FDXACB1: variants seen among roughly 807,000 people sequenced by gnomAD.
The protein encoded by FDXACB1 is ferredoxin-fold anticodon binding domain containing 1, also known as ferredoxin-fold anticodon-binding domain-containing protein 1.
Under a neutral mutation model 51.7 loss-of-function variants are expected in FDXACB1, and 41 were observed. That is an observed-to-expected ratio of 0.79 (90% CI 0.62 to 1.03). The LOEUF (loss-of-function observed/expected upper bound fraction) is 1.03. Ranked by LOEUF, FDXACB1 falls within the 50% of genes least tolerant of loss-of-function variation. The pLI is 0.00. For synonymous variants in FDXACB1, 273 were observed against 278.6 expected, an observed-to-expected ratio of 0.98 and a Z score of 0.20; for missense variants, 697 against 746.4, an observed-to-expected ratio of 0.93 and a Z score of 0.77.
Position 111,876,005 on chromosome 11 carries a change from A to C in FDXACB1, c.792T>G (p.Cys264Trp). Residue 264 changes from cysteine (C) to tryptophan (W), a missense_variant, in exon 5 of 5, where the codon TGT becomes TGG. Physicochemically the swap from Cys to Trp is radical, Grantham distance 215. Transcript: ENST00000260257. ...CTTCCTGTGGCAGCAAAGGGTAGGA[A>C]CACTTCAGCCTTTTTAGCGGGAAAA... ...GKVFPLKRLKCSYPLLPQEGT... is the reference protein window; with the variant it reads ...GKVFPLKRLKWSYPLLPQEGT... 6.2e-7 allele frequency: 1 copy of C among 1,613,972 alleles called. No homozygotes were observed. The highest frequency in any genetic ancestry group is 8.5e-7 in the Non-Finnish European group (1 of 1,179,888).
chr11:111,875,495 G>A lies in FDXACB1; in HGVS notation c.1302C>T (p.Ser434=). ...TQTLPESSKL[S]SLVKFVLQSN... The stretch of plus-strand genomic sequence containing the variant: ...ACTGAAGGACAAATTTGACTAAACT[G>A]CTCAGCTTAGAGCTCTCCGGCAATG... Residue 434 remains serine (S), a synonymous_variant, in exon 5 of 5, where the codon AGC becomes AGT. Coordinates refer to ENST00000260257, the MANE Select transcript of FDXACB1 (RefSeq NM_138378.3). The A allele has an allele frequency of 6.2e-7, 1 of 1,611,970 alleles. No individual in the cohort carries two copies. Among genetic ancestry groups the A allele is most frequent in the Admixed American group, 1.7e-5 (1 of 59,662 alleles).
chr11:111,878,849 T>A, intron 1 of FDXACB1, 112 bp downstream of exon 1: 1 of 1,518,972 alleles, frequency 6.6e-7, no homozygotes, highest in Non-Finnish European at 8.9e-7. Context: ...TGAATATCCG[T>A]GGGACGATCA....
Position 111,874,895 on chromosome 11 carries a change from TCA to T in FDXACB1, c.*25_*26del. ...CCTCCACATCCCCCGCAATGAAGGATCACACTGCAGAAAAGGATTTACCAAAC... is the reference window on the plus strand; with the variant it reads ...CCTCCACATCCCCCGCAATGAAGGATCACTGCAGAAAAGGATTTACCAAAC... On this transcript the variant is annotated 3_prime_UTR_variant, in exon 5 of 5. Transcript: ENST00000260257. 1 of 1,586,488 alleles carries T rather than the reference TCA, an allele frequency of 6.3e-7. No individual in the cohort carries two copies. Among genetic ancestry groups the T allele is most frequent in the Non-Finnish European group, 8.6e-7 (1 of 1,157,992 alleles).
In FDXACB1 at chr11:111,875,206, G is replaced by C; in HGVS notation, c.1591C>G (p.Leu531Val). 1 of 1,613,874 alleles carries C rather than the reference G, an allele frequency of 6.2e-7. No homozygotes were observed. The highest frequency in any genetic ancestry group is 8.5e-7 in the Non-Finnish European group (1 of 1,179,886). ...TCATGCACATAACATGGAGGATACAGAGAATGACTTTTAAAGGGTTCTATT... is the reference window on the plus strand; with the variant it reads ...TCATGCACATAACATGGAGGATACACAGAATGACTTTTAAAGGGTTCTATT... ...GKIEPFKSHSLYPPCYVHDVS... is the reference protein window; with the variant it reads ...GKIEPFKSHSVYPPCYVHDVS... The change falls in exon 5 of 5, where the codon CTG (leucine) becomes GTG (valine). Residue 531 changes from leucine to valine, a missense_variant. Around this residue, in one of 3 missense-constraint regions of FDXACB1, gnomAD observed 538 missense variants for 592.2 expected, o/e 0.91. Transcript: ENST00000260257.
chr11:111,875,016 G>A lies in FDXACB1; in HGVS notation c.1781C>T (p.Thr594Ile), dbSNP rs200882357. Residue 594 changes from threonine to isoleucine, a missense_variant, in exon 5 of 5, where the codon ACC becomes ATC. Thr to Ile is a moderately conservative substitution (Grantham distance 89, BLOSUM62 -1). Around this residue, in one of 3 missense-constraint regions of FDXACB1, gnomAD observed 538 missense variants for 592.2 expected, o/e 0.91. Coordinates refer to ENST00000260257, the MANE Select transcript of FDXACB1 (RefSeq NM_138378.3). ...VSLCYRLTYQ[T>I]CDKALTQQQV... is the part of the protein sequence containing the mutation. ...CTGCTGGGTGAGGGCCTTGTCACAG[G>A]TCTGGTAGGTCAATCTATAGCAGAG... 1.9e-4 allele frequency: 306 copies of A among 1,613,972 alleles called. No individual in the cohort carries two copies. In the African/African-American group the frequency reaches 3.9e-3, roughly 20 times the overall value.
intron 4 of FDXACB1, 50 bp downstream of exon 4, chr11:111,876,431 T>G (rs781790559): frequency 6.3e-7 from 1 of 1,580,784 alleles, no homozygotes; most frequent in Admixed American, 1.8e-5. Context: ...ATCAAGACAA[T>G]CAGGATACAA....
rs782682177 is a variant in FDXACB1 at position 111,875,538 on chromosome 11, TC to T, written c.1258del (p.Asp420IlefsTer4). The T allele has an allele frequency of 1.2e-6, 2 of 1,611,356 alleles. No homozygotes were observed. Among genetic ancestry groups the T allele is most frequent in the Admixed American group, 1.7e-5 (1 of 59,516 alleles). On this transcript the variant is annotated frameshift_variant, in exon 5 of 5. Transcript: ENST00000260257. LOFTEE classifies it high-confidence loss of function. Reference protein sequence around the residue: ...SLLDHLKGILDSLLTQTLPES... With the variant: ...SLLDHLKGILXSLLTQTLPES... Reference sequence around the variant, plus strand: ...CGGCAATGTCTGGGTCAGCAGGCTATCTAGAATGCCCTTCAGATGATCCAGC... The same window carrying T: ...CGGCAATGTCTGGGTCAGCAGGCTATTAGAATGCCCTTCAGATGATCCAGC...
At chr11:111,876,383 T>C (rs1964815980) in intron 4 of FDXACB1, 98 bp downstream of exon 4, 2 of 1,391,764 alleles carry the variant, frequency 1.4e-6, no homozygotes, top group East Asian at 2.3e-5. Flanking sequence ...CCAACATCAC[T>C]AACAATTTAT....
Position 111,879,084 on chromosome 11 carries a change from C to T in FDXACB1, c.49G>A (p.Ala17Thr), listed in dbSNP as rs1555162690. 1 of 1,613,178 alleles carries T rather than the reference C, an allele frequency of 6.2e-7. No individual in the cohort carries two copies. The highest frequency in any genetic ancestry group is 1.3e-5 in the African/African-American group (1 of 74,862). The change falls in exon 1 of 5, where the codon GCC (alanine) becomes ACC (threonine). Residue 17 changes from alanine to threonine, a missense_variant. Ala to Thr is a moderately conservative substitution (Grantham distance 58). Around this residue, in one of 3 missense-constraint regions of FDXACB1, gnomAD observed 153 missense variants for 133.5 expected, o/e 1.15. Transcript: ENST00000260257. The part of the protein sequence containing the change: ...LLVGEGNFSF[A>T]AALSETLDQS... The stretch of plus-strand genomic sequence containing the variant: ...TCCAGGGTTTCGCTCAGAGCGGCGG[C>T]GAAGGAGAAATTCCCCTCCCCAACC...
Position 111,875,920 on chromosome 11 carries a change from G to A in FDXACB1, c.877C>T (p.Leu293Phe), listed in dbSNP as rs1964803816. 3 of 1,613,898 alleles carry A rather than the reference G, an allele frequency of 1.9e-6. No homozygotes were observed. Among genetic ancestry groups the A allele is most frequent in the African/African-American group, 2.7e-5 (2 of 75,032 alleles). ...DFLSAAFWIS[L>F]HEDNSNSESL... The stretch of plus-strand genomic sequence containing the variant: ...TCAGAATTTGAGTTATCTTCATGGA[G>A]ACTAATCCAAAAAGCAGCTGACAGA... The change falls in exon 5 of 5, where the codon CTC (leucine) becomes TTC (phenylalanine). Residue 293 changes from leucine (L) to phenylalanine (F), a missense_variant. Leu to Phe is a conservative substitution (Grantham distance 22). This residue lies in a region of FDXACB1 where 538 missense variants were observed against 592.2 expected (regional missense o/e 0.91). Coordinates refer to ENST00000260257, the MANE Select transcript of FDXACB1 (RefSeq NM_138378.3).
At chr11:111,876,192 A>G in intron 4 of FDXACB1, 88 bp from the exon 5 acceptor site, 1 of 1,129,630 alleles carries the variant, frequency 8.9e-7, no homozygotes, top group Non-Finnish European at 1.2e-6. Flanking sequence ...AAATAGCTGG[A>G]CAGAAAAGAA....
Position 111,875,797 on chromosome 11 carries a change from C to T in FDXACB1, c.1000G>A (p.Glu334Lys). Residue 334 changes from glutamate (E) to lysine (K), a missense_variant, in exon 5 of 5, where the codon GAA becomes AAA. Physicochemically the swap from Glu to Lys is moderately conservative, Grantham distance 56. This residue lies in a region of FDXACB1 where 538 missense variants were observed against 592.2 expected (regional missense o/e 0.91). Coordinates refer to ENST00000260257, the MANE Select transcript of FDXACB1 (RefSeq NM_138378.3). ...TGGCCACAGGTTCCTTCACAAGCTT[C>T]TTCTTTACCATCTCTTCCAGGATTC... Reference protein sequence around the residue: ...LKNPGRDGKEEACEGTCGQAK... With the variant: ...LKNPGRDGKEKACEGTCGQAK... The T allele has an allele frequency of 1.2e-6, 2 of 1,613,716 alleles. No homozygotes were observed. Among genetic ancestry groups the T allele is most frequent in the Non-Finnish European group, 8.5e-7 (1 of 1,179,866 alleles).
intron 4 of FDXACB1, 42 bp from the exon 5 acceptor site, chr11:111,876,146 A>G: frequency 1.4e-6 from 2 of 1,427,368 alleles, no homozygotes; most frequent in Non-Finnish European, 1.9e-6. Context: ...AACTTAAGAT[A>G]GTAAATAATT....
Position 111,879,059 on chromosome 11 carries a change from T to C in FDXACB1, c.74A>G (p.Asp25Gly). 1 of 1,613,706 alleles carries C rather than the reference T, an allele frequency of 6.2e-7. No individual in the cohort carries two copies. Among genetic ancestry groups the C allele is most frequent in the South Asian group, 1.1e-5 (1 of 91,074 alleles). ...GGTGGCGGTAAGTTGAGTGCTCTGA[T>C]CCAGGGTTTCGCTCAGAGCGGCGGC... Reference protein sequence around the residue: ...SFAAALSETLDQSTQLTATCL... With the variant: ...SFAAALSETLGQSTQLTATCL... Residue 25 changes from aspartate (D) to glycine (G), a missense_variant, in exon 1 of 5, where the codon GAT becomes GGT. Around this residue, in one of 3 missense-constraint regions of FDXACB1, gnomAD observed 153 missense variants for 133.5 expected, o/e 1.15. Transcript: ENST00000260257.
Position 111,878,696 on chromosome 11 carries a change from G to A in FDXACB1, c.189C>T (p.Phe63=), listed in dbSNP as rs782609287. The A allele has an allele frequency of 6.2e-7, 1 of 1,610,236 alleles. No homozygotes were observed. The highest frequency in any genetic ancestry group is 8.5e-7 in the Non-Finnish European group (1 of 1,178,532). The change falls in exon 2 of 5, where the codon TTC becomes TTT. Residue 63 remains phenylalanine (F), a synonymous_variant. Transcript: ENST00000260257. ...CTGCCAGCTGGGTGCAGTCCACACC[G>A]AAACGTACATCGATACCTGGCAAAG... The part of the protein sequence containing the change: ...CLRERGIDVR[F]GVDCTQLADV...
chr11:111,875,653 T>C lies in FDXACB1; in HGVS notation c.1144A>G (p.Ile382Val). ...AATGCTGGCATTGTGAAAGGCAAAA[T>C]GTGGCACTTCTGAAAGACAGGTCCA... ...LSGPVFQKCHILPFTMPAFHE... is the reference protein window; with the variant it reads ...LSGPVFQKCHVLPFTMPAFHE... The change falls in exon 5 of 5, where the codon ATT becomes GTT. Residue 382 changes from isoleucine (I) to valine (V), a missense_variant. By Grantham distance (29) the Ile-to-Val change is conservative. This residue lies in a region of FDXACB1 where 538 missense variants were observed against 592.2 expected (regional missense o/e 0.91). Transcript: ENST00000260257. 1 of 1,613,416 alleles carries C rather than the reference T, an allele frequency of 6.2e-7. No homozygotes were observed. The highest frequency in any genetic ancestry group is 8.5e-7 in the Non-Finnish European group (1 of 1,179,842).
In FDXACB1 at chr11:111,875,974, T is replaced by G. The variant is rs1566367918; in HGVS notation, c.823A>C (p.Ser275Arg). The change falls in exon 5 of 5, where the codon AGT becomes CGT. Residue 275 changes from serine (S) to arginine (R), a missense_variant. Ser to Arg is a moderately radical substitution (Grantham distance 110). This residue lies in a region of FDXACB1 where 538 missense variants were observed against 592.2 expected (regional missense o/e 0.91). Transcript: ENST00000260257. ...TCACAATTCCAGAAAGGAAGAACAC[T>G]GGTACCTTCCTGTGGCAGCAAAGGG... is the stretch of plus-strand genomic sequence containing the variant. Reference protein sequence around the residue: ...SYPLLPQEGTSVLPFWNCDFL... With the variant: ...SYPLLPQEGTRVLPFWNCDFL... The G allele has an allele frequency of 6.2e-7, 1 of 1,613,860 alleles. No homozygotes were observed. Among genetic ancestry groups the G allele is most frequent in the Admixed American group, 1.7e-5 (1 of 60,010 alleles).
In FDXACB1 at chr11:111,875,095, T is replaced by A. The variant is rs1555161854; in HGVS notation, c.1702A>T (p.Ile568Leu). The A allele has an allele frequency of 6.2e-7, 1 of 1,613,938 alleles. No individual in the cohort carries two copies. The part of the protein sequence containing the change: ...VARAVSQDTI[I>L]SIQFLSRFQH... ...AAACGGCTAAGAAACTGTATGGATA[T>A]AATAGTGTCCTGAGACACTGCTCGG... The change falls in exon 5 of 5, where the codon ATA (isoleucine) becomes TTA (leucine). Residue 568 changes from isoleucine to leucine, a missense_variant. Physicochemically the swap from Ile to Leu is conservative, Grantham distance 5. Around this residue, in one of 3 missense-constraint regions of FDXACB1, gnomAD observed 538 missense variants for 592.2 expected, o/e 0.91. Transcript: ENST00000260257.
chr11:111,878,277 T>G (rs1555162501), intron 2 of FDXACB1, among the ~76,000 whole-genome samples: 1 of 152,228 alleles, frequency 6.6e-6, no homozygotes, highest in African/African-American at 2.4e-5. Flanking sequence ...GGCTTCTAAG[T>G]GCACGTTCTT....
Sources: gnomAD v4.1 joint callset for allele counts (sites outside exome capture counted in the v4.1 genomes callset) on GRCh38, gnomAD v4.1.1 for gene constraint, gnomAD v4.1.1 regional missense constraint, MANE v1.5 for transcripts, NCBI Gene and HGNC (gene_info 2026-07-23, HGNC 2026-07-21) for gene names.